The following JCAD variants were observed in gnomAD, a reference collection of about 807,000 sequenced individuals.
JCAD encodes the protein junctional cadherin 5 associated, also known as junctional cadherin 5-associated protein.
Under a neutral mutation model 98.0 loss-of-function variants are expected in JCAD, and 40 were observed. That is an observed-to-expected ratio of 0.41 (90% CI 0.32 to 0.53). The LOEUF is 0.53. Ranked by LOEUF, JCAD falls within the 20% of genes least tolerant of loss-of-function variation. JCAD has a pLI of 0.31. For missense variants in JCAD, 1,705 were observed against 1,738.1 expected (o/e 0.98, Z 0.34); for synonymous variants, 691 against 682.3 (o/e 1.01, Z -0.20).
chr10:30,102,315 G>A (rs1454660468), intron 1 of JCAD, among the ~76,000 whole-genome samples: 1 of 151,918 alleles, frequency 6.6e-6, no homozygotes, highest in Non-Finnish European at 1.5e-5. Flanking sequence ...ATCACAGTGG[G>A]TGCTTACCAC....
intron 1 of JCAD, among the ~76,000 whole-genome samples, chr10:30,084,099 GAGAAAGAGAAAGAAAA>G (rs1202396490): frequency 1.3e-4 from 20 of 149,386 alleles, no homozygotes; most frequent in Admixed American, 6.0e-4. Flanking sequence ...GAAAGAAAGG[GAGAAAGAGAAAGAAAA>G]AGAAAGAGAA....
intron 2 of JCAD, among the ~76,000 whole-genome samples, chr10:30,030,410 C>T (rs1031375086): frequency 2.0e-5 from 3 of 152,094 alleles, no homozygotes; most frequent in Non-Finnish European, 4.4e-5. Flanking sequence ...CACTGCACTC[C>T]GGCCCGGGCA....
At chr10:30,090,119 G>A (rs1369266054) in intron 1 of JCAD, among the ~76,000 whole-genome samples, 9 of 152,156 alleles carry the variant, frequency 5.9e-5, no homozygotes, top group Admixed American at 5.9e-4. Flanking sequence ...ATGATAAATG[G>A]TGTTCTTTAT....
intron 2 of JCAD, 48 bp downstream of exon 2, chr10:30,047,484 C>T (rs746770188): frequency 3.2e-6 from 5 of 1,571,606 alleles, no homozygotes; most frequent in Non-Finnish European, 4.3e-6. Flanking sequence ...TCACCCACCG[C>T]CAAACTCCTG....
chr10:30,100,372 G>A (rs1838449144), intron 1 of JCAD, among the ~76,000 whole-genome samples: 1 of 152,024 alleles, frequency 6.6e-6, no homozygotes, highest in African/African-American at 2.4e-5. Flanking sequence ...TGTTTTGTTT[G>A]AGGGTTTTTG....
At position 30,028,429 on chromosome 10, in the gene JCAD, T is replaced by C; in HGVS notation, c.1719A>G (p.Lys573=). 1 of 1,614,226 alleles carries C rather than the reference T, an allele frequency of 6.2e-7. No homozygotes were observed. Residue 573 remains lysine, a synonymous_variant, in exon 3 of 4, where the codon AAA becomes AAG. Coordinates refer to ENST00000375377, the MANE Select transcript of JCAD (RefSeq NM_020848.4). ...TGTRTKKSSK[K]KMNETIFCLV... is the part of the protein sequence containing the mutation. ...AGCAAAATATAGTCTCGTTCATTTT[T>C]TTCTTTGAACTTTTCTTGGTCCGAG...
chr10:30,014,262 C>G lies in JCAD; in HGVS notation c.*3621G>C, dbSNP rs1490883363. 6.6e-6 allele frequency: 1 copy of G among 152,182 alleles called. No individual in the cohort carries two copies. The highest frequency in any genetic ancestry group is 1.9e-4 in the East Asian group (1 of 5,196). 9.4% of individuals were successfully genotyped at this position (152,182 alleles called of 1,614,324 possible). A position where few individuals can be genotyped will look rare whatever the true frequency, so the allele number is the denominator to read the frequency against. On this transcript the variant is annotated 3_prime_UTR_variant, in exon 4 of 4. Transcript: ENST00000375377. ...AAAAGAAAATGCAAAAATCCCCCAGCCTGCAACAGCTTCGGCTTAAGAAAC... is the reference window on the plus strand; with the variant it reads ...AAAAGAAAATGCAAAAATCCCCCAGGCTGCAACAGCTTCGGCTTAAGAAAC...
intron 1 of JCAD, among the ~76,000 whole-genome samples, chr10:30,092,445 A>C (rs772247537): frequency 1.3e-5 from 2 of 151,762 alleles, no homozygotes; most frequent in African/African-American, 2.4e-5. Flanking sequence ...AACCACTCCC[A>C]CTCTCCCATC....
chr10:30,038,709 A>G (rs1482132907), intron 2 of JCAD, among the ~76,000 whole-genome samples: 1 of 151,056 alleles, frequency 6.6e-6, no homozygotes, highest in African/African-American at 2.4e-5. Flanking sequence ...AAAAAAAGAA[A>G]GAAAGAAAAG....
intron 1 of JCAD, among the ~76,000 whole-genome samples, chr10:30,085,670 G>A (rs2132688520): frequency 6.6e-6 from 1 of 152,290 alleles, no homozygotes; most frequent in Non-Finnish European, 1.5e-5. Flanking sequence ...GTAGGGGTGG[G>A]CAGTGGAGAT....
At chr10:30,111,613 A>C (rs916053298) in intron 1 of JCAD, among the ~76,000 whole-genome samples, 1 of 152,218 alleles carries the variant, frequency 6.6e-6, no homozygotes, top group African/African-American at 2.4e-5. Flanking sequence ...GTGACATGAC[A>C]TGATAAATCA....
chr10:30,084,080 AGAGT>A (rs965672692), intron 1 of JCAD, among the ~76,000 whole-genome samples: 1 of 151,676 alleles, frequency 6.6e-6, no homozygotes, highest in Non-Finnish European at 1.5e-5. Context: ...AAAGAAAGAA[AGAGT>A]GAGAGAAAGA....
chr10:30,087,352 T>C (rs1050850023), intron 1 of JCAD, among the ~76,000 whole-genome samples: 4 of 151,934 alleles, frequency 2.6e-5, no homozygotes, highest in African/African-American at 9.7e-5. Flanking sequence ...GAAGGGAAAA[T>C]CGCTTGAACC....
chr10:30,054,016 C>T (rs1837520086), intron 1 of JCAD, among the ~76,000 whole-genome samples: 2 of 152,144 alleles, frequency 1.3e-5, no homozygotes, highest in Admixed American at 1.3e-4. Context: ...GAGCCGAGAT[C>T]GTGCCATTGC....
At chr10:30,049,521 A>G (rs942392291) in intron 1 of JCAD, among the ~76,000 whole-genome samples, 7 of 152,152 alleles carry the variant, frequency 4.6e-5, no homozygotes, top group Admixed American at 3.9e-4. Flanking sequence ...GAAGTTGATA[A>G]TTTTCCATTA....
At position 30,028,960 on chromosome 10, in the gene JCAD, C is replaced by G. The variant is rs1213942817; in HGVS notation, c.1188G>C (p.Glu396Asp). The G allele has an allele frequency of 1.2e-6, 2 of 1,614,066 alleles. No individual in the cohort carries two copies. Among genetic ancestry groups the G allele is most frequent in the South Asian group, 2.2e-5 (2 of 91,072 alleles). ...GAGGCAAGCGGGGGCTCACACCATA[C>G]TCATTCCCAGTTCCAGGGGGGCCTG... is the stretch of plus-strand genomic sequence containing the variant. The part of the protein sequence containing the change: ...PPSGPPGTGN[E>D]YGVSPRLPQG... The change falls in exon 3 of 4, where the codon GAG becomes GAC. Residue 396 changes from glutamate to aspartate, a missense_variant. Glu to Asp is a conservative substitution (Grantham distance 45, BLOSUM62 2). Coordinates refer to ENST00000375377, the MANE Select transcript of JCAD (RefSeq NM_020848.4).
chr10:30,070,793 G>T (rs1355178883), intron 1 of JCAD, among the ~76,000 whole-genome samples: 1 of 152,202 alleles, frequency 6.6e-6, no homozygotes. Context: ...GGGGTCAGGG[G>T]CTACCTATTT....
At chr10:30,019,575 C>G (rs1589674054) in intron 3 of JCAD, among the ~76,000 whole-genome samples, 1 of 147,182 alleles carries the variant, frequency 6.8e-6, no homozygotes, top group East Asian at 2.0e-4. Flanking sequence ...AAGTTGAAAT[C>G]ACAGTAACAG....
chr10:30,017,498 A>G lies in JCAD; in HGVS notation c.*385T>C. ...AGGCCATGGAGACACAGAGGGGAGC[A>G]CACCATTCACAGGCCTTTCCAAAGC... is the stretch of plus-strand genomic sequence containing the variant. On this transcript the variant is annotated 3_prime_UTR_variant, in exon 4 of 4. Coordinates refer to ENST00000375377, the MANE Select transcript of JCAD (RefSeq NM_020848.4). 1 of 306,098 alleles carries G rather than the reference A, an allele frequency of 3.3e-6. No individual in the cohort carries two copies. The highest frequency in any genetic ancestry group is 6.1e-6 in the Non-Finnish European group (1 of 163,278). 19.0% of individuals were successfully genotyped at this position (306,098 alleles called of 1,614,324 possible). A position where few individuals can be genotyped will look rare whatever the true frequency, so the allele number is the denominator to read the frequency against.
Sources: gnomAD v4.1 joint callset for allele counts (sites outside exome capture counted in the v4.1 genomes callset) on GRCh38, gnomAD v4.1.1 for gene constraint, MANE v1.5 for transcripts, NCBI Gene and HGNC (gene_info 2026-07-23, HGNC 2026-07-21) for gene names.